The following FER variants were observed in gnomAD, a reference collection of about 807,000 sequenced individuals.
The protein encoded by FER is FER tyrosine kinase, also known as tyrosine-protein kinase Fer.
A neutral mutation model predicts 111.0 loss-of-function variants in FER; 63 were observed. That is an observed-to-expected ratio of 0.57 (90% CI 0.46 to 0.70). The LOEUF (loss-of-function observed/expected upper bound fraction) is 0.70, where lower values mean the gene tolerates loss of function less well. FER is among the 30% of genes least tolerant of loss of function. The pLI is 0.00. For missense variants in FER, 914 were observed against 954.0 expected (o/e 0.96, Z 0.55); for synonymous variants, 327 against 313.9 (o/e 1.04, Z -0.44).
At chr5:109,068,305 T>A (rs1488917168) in intron 16 of FER, among the ~76,000 whole-genome samples, 1 of 151,888 alleles carries the variant, frequency 6.6e-6, no homozygotes, top group East Asian at 1.9e-4. Context: ...TGCCTCAGCC[T>A]CCCGAGTAGC....
At chr5:109,117,080 T>A (rs764606550) in intron 17 of FER, among the ~76,000 whole-genome samples, 124 of 152,294 alleles carry the variant, frequency 8.1e-4, no homozygotes, top group Non-Finnish European at 1.5e-3. Flanking sequence ...TTTAAGGGAC[T>A]TTGTTGGCAC....
intron 16 of FER, among the ~76,000 whole-genome samples, chr5:109,080,419 TTAAA>T (rs1322534477): frequency 2.0e-5 from 3 of 152,114 alleles, no homozygotes; most frequent in Non-Finnish European, 4.4e-5. Flanking sequence ...ATTTAGTTAA[TTAAA>T]TATTTACTGT....
At chr5:109,011,189 T>C (rs2149803367) in intron 13 of FER, among the ~76,000 whole-genome samples, 1 of 152,312 alleles carries the variant, frequency 6.6e-6, no homozygotes, top group Non-Finnish European at 1.5e-5. Flanking sequence ...TTTTGATGCA[T>C]AGTATTAGAA....
At chr5:108,929,764 C>G (rs907740540) in intron 10 of FER, among the ~76,000 whole-genome samples, 11 of 152,042 alleles carry the variant, frequency 7.2e-5, no homozygotes, top group South Asian at 2.1e-4. Flanking sequence ...GTTAAAAATA[C>G]TTTAAAATAT....
At chr5:109,003,813 C>G (rs1382971602) in intron 13 of FER, among the ~76,000 whole-genome samples, 2 of 151,904 alleles carry the variant, frequency 1.3e-5, no homozygotes, top group Non-Finnish European at 2.9e-5. Flanking sequence ...GACCCCATCT[C>G]TACAAAAAAA....
At chr5:108,983,403 G>C (rs1461342481) in intron 13 of FER, among the ~76,000 whole-genome samples, 2 of 151,944 alleles carry the variant, frequency 1.3e-5, no homozygotes, top group East Asian at 3.9e-4. Flanking sequence ...TGTGCTTTTG[G>C]TTTAAACCAA....
At chr5:109,010,030 C>T (rs570323266) in intron 13 of FER, among the ~76,000 whole-genome samples, 2 of 152,298 alleles carry the variant, frequency 1.3e-5, no homozygotes, top group African/African-American at 4.8e-5. Context: ...GAAAGAGACA[C>T]TACCTCTGGA....
At position 109,187,439 on chromosome 5, in the gene FER, G is replaced by A. The variant is rs1369871400; in HGVS notation, c.2333G>A (p.Arg778Gln). 4 of 1,612,810 alleles carry A rather than the reference G, an allele frequency of 2.5e-6. No homozygotes were observed. The highest frequency in any genetic ancestry group is 2.5e-6 in the Non-Finnish European group (3 of 1,179,626). ...QAREQVERGY[R>Q]MSAPQHCPED... ...CCTTCTCTTGGGTCTTCAGGATACC[G>A]GATGTCAGCTCCCCAGCACTGTCCA... The change falls in exon 20 of 20, where the codon CGG (arginine) becomes CAG (glutamine). Residue 778 changes from arginine (R) to glutamine (Q), a missense_variant. Physicochemically the swap from Arg to Gln is conservative, Grantham distance 43. This residue lies in a region of FER where 134 missense variants were observed against 149.4 expected (regional missense o/e 0.90). Transcript: ENST00000281092.
chr5:109,069,042 A>T (rs1045131933), intron 16 of FER, among the ~76,000 whole-genome samples: 1 of 152,066 alleles, frequency 6.6e-6, no homozygotes, highest in African/African-American at 2.4e-5. Flanking sequence ...TTTTCTTCCT[A>T]CTAGACTATT....
intron 17 of FER, among the ~76,000 whole-genome samples, chr5:109,124,447 C>T (rs1405671648): frequency 2.6e-5 from 4 of 152,200 alleles, no homozygotes; most frequent in African/African-American, 7.2e-5. Context: ...TAAACCCCTT[C>T]GTAAATTGCC....
chr5:108,871,513 T>C lies in FER; in HGVS notation c.803+11T>C, dbSNP rs773829553. ...CATAGATGTTCACAGGTATGACATG[T>C]TTATTCCTCTTTAAGGATTTATGAC... On this transcript the variant is annotated intron_variant, in intron 7 of 19. Transcript: ENST00000281092. The C allele has an allele frequency of 6.3e-6, 10 of 1,575,318 alleles. No individual in the cohort carries two copies. In the African/African-American group the frequency reaches 1.1e-4, roughly 17 times the overall value.
At chr5:109,106,380 T>G (rs1466336623) in intron 17 of FER, among the ~76,000 whole-genome samples, 1 of 152,180 alleles carries the variant, frequency 6.6e-6, no homozygotes. Flanking sequence ...TACTGTTGTT[T>G]AGAATGCCCC....
intron 13 of FER, among the ~76,000 whole-genome samples, chr5:108,978,145 T>C (rs76642438): frequency 0.046 from 7,080 of 152,276 alleles, 264 homozygotes; most frequent in South Asian, 0.11. Flanking sequence ...CGTGCCTAGC[T>C]AACTCCTGTT....
chr5:108,927,607 A>G (rs1753968079), intron 10 of FER, among the ~76,000 whole-genome samples: 1 of 152,082 alleles, frequency 6.6e-6, no homozygotes, highest in South Asian at 2.1e-4. Flanking sequence ...CCTCATGTGA[A>G]AGTCTTTGTG....
At chr5:109,092,629 G>A (rs1008900556) in intron 16 of FER, among the ~76,000 whole-genome samples, 1 of 151,544 alleles carries the variant, frequency 6.6e-6, no homozygotes, top group East Asian at 1.9e-4. Context: ...AGAGGATGTG[G>A]AGAAAACAGA....
intron 13 of FER, among the ~76,000 whole-genome samples, chr5:109,002,155 G>A (rs1325557783): frequency 1.3e-5 from 2 of 150,978 alleles, no homozygotes; most frequent in East Asian, 1.9e-4. Flanking sequence ...AAAAGAGCCC[G>A]CATTGCCAAG....
chr5:109,088,842 A>G (rs1777847005), intron 16 of FER, among the ~76,000 whole-genome samples: 1 of 152,170 alleles, frequency 6.6e-6, no homozygotes, highest in Non-Finnish European at 1.5e-5. Context: ...CAGATGGATG[A>G]AGTTATCAAG....
At chr5:109,109,959 G>A (rs1749403443) in intron 17 of FER, among the ~76,000 whole-genome samples, 1 of 152,108 alleles carries the variant, frequency 6.6e-6, no homozygotes, top group Non-Finnish European at 1.5e-5. Flanking sequence ...GGCTATACTG[G>A]TTTTTGTGCC....
intron 17 of FER, among the ~76,000 whole-genome samples, chr5:109,177,167 T>C (rs1757790782): frequency 6.6e-6 from 1 of 152,314 alleles, no homozygotes; most frequent in African/African-American, 2.4e-5. Context: ...TTAACTACTG[T>C]AATGTCCCCC....
Sources: gnomAD v4.1 joint callset for allele counts (sites outside exome capture counted in the v4.1 genomes callset) on GRCh38, gnomAD v4.1.1 for gene constraint, gnomAD v4.1.1 regional missense constraint, MANE v1.5 for transcripts, NCBI Gene and HGNC (gene_info 2026-07-23, HGNC 2026-07-21) for gene names.